OCA2: variants seen among roughly 807,000 people sequenced by gnomAD.
OCA2 encodes the protein OCA2 melanosomal transmembrane protein.
OCA2 carries 77 observed loss-of-function variants against 100.2 expected under a neutral mutation model. That is an observed-to-expected ratio of 0.77 (90% confidence interval 0.64 to 0.93). The LOEUF is 0.93. Among genes scored for constraint, OCA2 ranks in the 40% least tolerant of loss-of-function variants. The pLI is 0.00. For missense variants in OCA2, 1,062 were observed against 1,089.1 expected, an observed-to-expected ratio of 0.98 and a Z score of 0.35; for synonymous variants, 432 against 439.2, an observed-to-expected ratio of 0.98 and a Z score of 0.21.
At chr15:27,771,008 CCTT>C (rs775408953) in intron 23 of OCA2, among the ~76,000 whole-genome samples, 10 of 77,614 alleles carry the variant, frequency 1.3e-4, no homozygotes, top group East Asian at 1.1e-3. Context: ...TCCTTCCTTC[CCTT>C]CTTTTCTTCT....
chr15:28,095,367 C>T (rs1158448321), intron 1 of OCA2, among the ~76,000 whole-genome samples: 2 of 152,206 alleles, frequency 1.3e-5, no homozygotes, highest in Non-Finnish European at 2.9e-5. Flanking sequence ...CGCCGCACGC[C>T]GACTTCACAG....
chr15:27,756,483 C>G (rs998930604), intron 23 of OCA2, among the ~76,000 whole-genome samples: 1 of 152,184 alleles, frequency 6.6e-6, no homozygotes, highest in Non-Finnish European at 1.5e-5. Flanking sequence ...TTTTATTTTA[C>G]AAAACAAACA....
intron 23 of OCA2, among the ~76,000 whole-genome samples, chr15:27,839,124 G>A (rs2035256907): frequency 6.6e-6 from 1 of 152,120 alleles, no homozygotes; most frequent in South Asian, 2.1e-4. Flanking sequence ...TAGGCAAGAG[G>A]TAGAAGTCAA....
At chr15:28,068,381 GCA>G (rs2044089575) in intron 2 of OCA2, among the ~76,000 whole-genome samples, 1 of 152,128 alleles carries the variant, frequency 6.6e-6, no homozygotes, top group African/African-American at 2.4e-5. Flanking sequence ...ATTCCTGGAA[GCA>G]CACAATCTCC....
chr15:27,838,720 G>C (rs1473159055), intron 23 of OCA2, among the ~76,000 whole-genome samples: 5 of 152,148 alleles, frequency 3.3e-5, no homozygotes, highest in African/African-American at 1.2e-4. Context: ...ATACAGCTGA[G>C]GCCACAATGG....
intron 1 of OCA2, among the ~76,000 whole-genome samples, chr15:28,096,412 G>A (rs949939735): frequency 3.3e-5 from 5 of 152,230 alleles, no homozygotes; most frequent in Non-Finnish European, 7.3e-5. Context: ...GGTGTCCGCA[G>A]GAGCGATGCT....
chr15:27,838,130 C>T (rs1033677540), intron 23 of OCA2, among the ~76,000 whole-genome samples: 1 of 152,114 alleles, frequency 6.6e-6, no homozygotes, highest in Middle Eastern at 3.2e-3. Context: ...CCAGGAAACA[C>T]AAAACCACAT....
At chr15:27,775,471 T>C (rs1362072379) in intron 23 of OCA2, 1 of 152,418 alleles carries the variant, frequency 6.6e-6, no homozygotes, top group Non-Finnish European at 1.5e-5. Flanking sequence ...ACACCTCCTC[T>C]CCTCGTACTC....
chr15:27,797,823 G>T lies in OCA2; in HGVS notation c.2433-42351C>A, dbSNP rs563482772. On this transcript the variant is annotated intron_variant, in intron 23 of 23. Coordinates refer to ENST00000354638, the MANE Select transcript of OCA2 (RefSeq NM_000275.3). The stretch of plus-strand genomic sequence containing the variant: ...CGGGAAACACAGGAGCACCCTGGGG[G>T]CTCCATGTTTCCTGAAGGGCCTGGA... Among the ~76,000 whole-genome samples, 6 of 152,288 alleles carry T rather than the reference G, an allele frequency of 3.9e-5. No homozygotes were observed. In the South Asian group the frequency reaches 1.2e-3, roughly 32 times the overall value.
At chr15:27,753,630 G>T (rs1407219926), downstream of OCA2, among the ~76,000 whole-genome samples, 1 of 152,002 alleles carries the variant, frequency 6.6e-6, no homozygotes, top group Non-Finnish European at 1.5e-5. Flanking sequence ...CCAGCTACTC[G>T]GGAGGCTGAG....
the OCA2 span, among the ~76,000 whole-genome samples, chr15:27,735,752 AC>A: frequency 0.015 from 2,259 of 152,254 alleles, 21 homozygotes; most frequent in Non-Finnish European, 0.022. Context: ...AAACAAAAAA[AC>A]AAAACAAAAA....
chr15:28,066,101 A>G (rs2044015205), intron 2 of OCA2, among the ~76,000 whole-genome samples: 1 of 152,334 alleles, frequency 6.6e-6, no homozygotes, highest in African/African-American at 2.4e-5. Context: ...ACAAAAATCA[A>G]TTCTGTTTTA....
intron 9 of OCA2, among the ~76,000 whole-genome samples, chr15:28,006,367 G>A (rs17567131): frequency 0.041 from 6,202 of 152,320 alleles, 208 homozygotes; most frequent in South Asian, 0.13. Context: ...CATCCAGGAG[G>A]CGAGGTTGGA....
intron 23 of OCA2, among the ~76,000 whole-genome samples, chr15:27,814,883 T>TATAG (rs201567846): frequency 0.048 from 4,918 of 101,808 alleles, 128 homozygotes; most frequent in Non-Finnish European, 0.057. Flanking sequence ...ATTCTCTCTC[T>TATAG]ATAGATAGAT....
intron 2 of OCA2, among the ~76,000 whole-genome samples, chr15:28,071,066 T>A (rs2044244259): frequency 7.3e-6 from 1 of 137,394 alleles, no homozygotes; most frequent in Non-Finnish European, 1.5e-5. Context: ...ACCAGAGACC[T>A]TTGTTCACTT....
intron 6 of OCA2, among the ~76,000 whole-genome samples, chr15:28,019,148 A>G (rs760820565): frequency 2.6e-5 from 4 of 152,022 alleles, no homozygotes; most frequent in Non-Finnish European, 5.9e-5. Flanking sequence ...GTCCTCTGAG[A>G]GCCCAGGATG....
chr15:27,765,704 T>G (rs999473192), intron 23 of OCA2, among the ~76,000 whole-genome samples: 1 of 152,196 alleles, frequency 6.6e-6, no homozygotes, highest in Non-Finnish European at 1.5e-5. Context: ...AAAATAAAAC[T>G]CTTTTCCTTT....
At chr15:27,896,115 T>C (rs918992745) in intron 19 of OCA2, 8 of 1,100,594 alleles carry the variant, frequency 7.3e-6, no homozygotes, top group Non-Finnish European at 9.6e-6. Context: ...GCCAAGTGCC[T>C]TTACCTGCTA....
chr15:28,052,515 T>A (rs1410058035), intron 2 of OCA2, among the ~76,000 whole-genome samples: 1 of 152,138 alleles, frequency 6.6e-6, no homozygotes, highest in Non-Finnish European at 1.5e-5. Context: ...GCCTCAGAGC[T>A]AATCAACCCA....
Sources: gnomAD v4.1 joint callset for allele counts (sites outside exome capture counted in the v4.1 genomes callset) on GRCh38, gnomAD v4.1.1 for gene constraint, MANE v1.5 for transcripts, NCBI Gene and HGNC (gene_info 2026-07-23, HGNC 2026-07-21) for gene names.